RPS6KA3: variants seen among roughly 807,000 people sequenced by gnomAD.
The protein encoded by RPS6KA3 is ribosomal protein S6 kinase A3.
RPS6KA3 carries 4 observed loss-of-function variants against 67.2 expected under a neutral mutation model. The ratio of observed to expected loss-of-function variants is 0.06; its 90% CI spans 0.03 to 0.14. The LOEUF is 0.14. Among genes scored for constraint, RPS6KA3 ranks in the 10% least tolerant of loss-of-function variants. RPS6KA3 has a pLI of 1.00. For missense variants in RPS6KA3, 204 were observed against 559.0 expected (o/e 0.36, Z 6.40); for synonymous variants, 182 against 183.7 (o/e 0.99, Z 0.07).
chrX:20,253,466 T>A (rs1462333980), intron 1 of RPS6KA3, among the ~76,000 whole-genome samples: 1 of 110,423 alleles, frequency 9.1e-6, no homozygotes, highest in Non-Finnish European at 1.9e-5. Context: ...AATAGTGAAT[T>A]CCCTGGGTTT....
intron 16 of RPS6KA3, among the ~76,000 whole-genome samples, chrX:20,168,742 G>GA (rs1479734080): frequency 8.9e-6 from 1 of 112,140 alleles, no homozygotes; most frequent in Admixed American, 9.4e-5. Context: ...AGCAAAAGTA[G>GA]AAAAAAATAA....
intron 2 of RPS6KA3, among the ~76,000 whole-genome samples, chrX:20,220,698 C>T (rs189414393): frequency 1.8e-5 from 2 of 111,883 alleles, no homozygotes; most frequent in East Asian, 2.8e-4. Flanking sequence ...TCACATTTTG[C>T]GTGTGTTATG....
At chrX:20,229,898 T>C (rs1387593062) in intron 2 of RPS6KA3, among the ~76,000 whole-genome samples, 1 of 112,258 alleles carries the variant, frequency 8.9e-6, no homozygotes, top group Non-Finnish European at 1.9e-5. Flanking sequence ...TTCTTGCAGA[T>C]GTAAATGCTA....
At chrX:20,241,436 A>AAAAG (rs775795886) in intron 1 of RPS6KA3, among the ~76,000 whole-genome samples, 8 of 110,093 alleles carry the variant, frequency 7.3e-5, no homozygotes, top group East Asian at 5.6e-4. Context: ...AATGAAAAAA[A>AAAAG]AAAGAAAGAA....
At chrX:20,166,103 G>T (rs1035662498) in intron 17 of RPS6KA3, among the ~76,000 whole-genome samples, 1 of 112,293 alleles carries the variant, frequency 8.9e-6, no homozygotes, top group Non-Finnish European at 1.9e-5. Context: ...ATGGTTGACT[G>T]TGGTAACTGA....
At chrX:20,237,233 C>T (rs903772538) in intron 1 of RPS6KA3, among the ~76,000 whole-genome samples, 1 of 111,232 alleles carries the variant, frequency 9.0e-6, no homozygotes, top group African/African-American at 3.3e-5. Flanking sequence ...TGAATGGCAC[C>T]ATCATTCATC....
intron 10 of RPS6KA3, among the ~76,000 whole-genome samples, chrX:20,180,694 C>T (rs149915133): frequency 1.8e-5 from 2 of 112,425 alleles, no homozygotes; most frequent in East Asian, 5.6e-4. Flanking sequence ...AGACATGAAA[C>T]TCTGCCACTT....
At chrX:20,225,859 GA>G (rs1490229638) in intron 2 of RPS6KA3, among the ~76,000 whole-genome samples, 2 of 112,111 alleles carry the variant, frequency 1.8e-5, no homozygotes, top group Non-Finnish European at 3.8e-5. Flanking sequence ...AAAGCCAGAA[GA>G]AAGGATAACA....
At chrX:20,263,304 TA>T (rs1177393864) in intron 1 of RPS6KA3, among the ~76,000 whole-genome samples, 2 of 112,109 alleles carry the variant, frequency 1.8e-5, no homozygotes, top group African/African-American at 6.5e-5. Flanking sequence ...AAAGAATTTG[TA>T]CAACAGAAGA....
chrX:20,223,196 T>C (rs2069026463), intron 2 of RPS6KA3, among the ~76,000 whole-genome samples: 2 of 111,899 alleles, frequency 1.8e-5, no homozygotes, highest in Admixed American at 1.9e-4. Context: ...TTAGGATTTT[T>C]GCATTTATAT....
intron 1 of RPS6KA3, among the ~76,000 whole-genome samples, chrX:20,244,622 T>C (rs1450396373): frequency 8.9e-6 from 1 of 112,218 alleles, no homozygotes; most frequent in Non-Finnish European, 1.9e-5. Flanking sequence ...ATAGAGCTAT[T>C]AAATTTGCAG....
chrX:20,236,023 G>C (rs2069402407), intron 1 of RPS6KA3, among the ~76,000 whole-genome samples: 2 of 111,175 alleles, frequency 1.8e-5, no homozygotes, highest in African/African-American at 6.5e-5. Context: ...GACATAGAAA[G>C]ACAGTCACAT....
chrX:20,223,413 G>A (rs902804823), intron 2 of RPS6KA3, among the ~76,000 whole-genome samples: 1 of 110,697 alleles, frequency 9.0e-6, no homozygotes, highest in Non-Finnish European at 1.9e-5. Flanking sequence ...TGGACGGAAA[G>A]TGTGGTAGTG....
At chrX:20,235,087 T>C (rs2069374261) in intron 1 of RPS6KA3, among the ~76,000 whole-genome samples, 1 of 111,710 alleles carries the variant, frequency 9.0e-6, no homozygotes, top group Non-Finnish European at 1.9e-5. Context: ...GTTTAATAGT[T>C]AAATGCATTA....
intron 1 of RPS6KA3, among the ~76,000 whole-genome samples, chrX:20,262,220 C>A (rs1321009299): frequency 9.0e-6 from 1 of 111,727 alleles, no homozygotes; most frequent in Non-Finnish European, 1.9e-5. Context: ...AACTGTAGAG[C>A]AAATCTTGTT....
At chrX:20,202,019 G>A (rs1174373731) in intron 4 of RPS6KA3, among the ~76,000 whole-genome samples, 3 of 88,414 alleles carry the variant, frequency 3.4e-5, no homozygotes, top group South Asian at 5.5e-4. Flanking sequence ...TGCTCTTGTC[G>A]CCTAGGCTGG....
At chrX:20,171,295 G>A (rs887903877) in intron 15 of RPS6KA3, among the ~76,000 whole-genome samples, 1 of 111,824 alleles carries the variant, frequency 8.9e-6, no homozygotes, top group African/African-American at 3.3e-5. Flanking sequence ...TTATTCAAGG[G>A]TAGACTGTAC....
Position 20,155,296 on chromosome X carries a change from G to A in RPS6KA3, c.*102C>T. ...CAGCAGCATTATGGGTACCAGCTGG[G>A]ACAGTGTGTGCTTGCAGGTGTCTCT... is the stretch of plus-strand genomic sequence containing the variant. On this transcript the variant is annotated 3_prime_UTR_variant, in exon 22 of 22. Coordinates refer to ENST00000379565, the MANE Select transcript of RPS6KA3 (RefSeq NM_004586.3). 1 of 924,215 alleles carries A rather than the reference G, an allele frequency of 1.1e-6. No individual in the cohort carries two copies. Among genetic ancestry groups the A allele is most frequent in the East Asian group, 3.1e-5 (1 of 32,367 alleles). The allele number at this position is 924,215 out of a possible 1,213,427, so 76.2% of individuals were successfully genotyped here.
Position 20,218,939 on chromosome X carries a change from C to T in RPS6KA3, c.127-9535G>A, listed in dbSNP as rs980425916. ...GCAAAGTTTTCTCCTACCAGCTGTT[C>T]CGGCAATTAGAAAATTTCCTGTCAG... On this transcript the variant is annotated intron_variant, in intron 2 of 21. Transcript: ENST00000379565. 7.8e-6 allele frequency: 5 copies of T among 639,842 alleles called. No individual in the cohort carries two copies. The African/African-American group carries it at 1.1e-4, about 14-fold the overall frequency. 52.7% of individuals were successfully genotyped at this position (639,842 alleles called of 1,213,427 possible). A position where few individuals can be genotyped will look rare whatever the true frequency, so the allele number is the denominator to read the frequency against.
Sources: gnomAD v4.1 joint callset for allele counts (sites outside exome capture counted in the v4.1 genomes callset) on GRCh38, gnomAD v4.1.1 for gene constraint, MANE v1.5 for transcripts, NCBI Gene and HGNC (gene_info 2026-07-23, HGNC 2026-07-21) for gene names.